MRAP2: variants seen among roughly 807,000 people sequenced by gnomAD.
The protein encoded by MRAP2 is melanocortin 2 receptor accessory protein 2.
MRAP2 carries 20 observed loss-of-function variants against 17.4 expected under a neutral mutation model. The ratio of observed to expected loss-of-function variants is 1.15; its 90% CI spans 0.81 to 1.67. MRAP2 has a LOEUF of 1.67. MRAP2 is among the 40% of genes most tolerant of loss of function. The pLI, the probability that MRAP2 is intolerant of heterozygous loss-of-function variation, is 0.00. For synonymous variants in MRAP2, 96 were observed against 88.4 expected (o/e 1.09, Z -0.48); for missense variants, 238 against 240.0 (o/e 0.99, Z 0.05).
At chr6:84,134,630 G>A in the MRAP2 span, among the ~76,000 whole-genome samples, 1 of 152,148 alleles carries the variant, frequency 6.6e-6, no homozygotes, top group South Asian at 2.1e-4. Context: ...CTTCCCGGAT[G>A]AGGCAAGGCC....
intron 3 of MRAP2, among the ~76,000 whole-genome samples, chr6:84,064,040 G>A (rs974559199): frequency 3.3e-5 from 5 of 149,878 alleles, no homozygotes; most frequent in African/African-American, 1.3e-4. Context: ...GCCAGACTCT[G>A]TCTAAAAAAA....
At chr6:84,061,890 T>A in intron 2 of MRAP2, 1 of 985,398 alleles carries the variant, frequency 1.0e-6, no homozygotes, top group Non-Finnish European at 1.2e-6. Context: ...AGTGGGTCAG[T>A]TCTGTTTTTG....
At chr6:84,091,537 T>C (rs903943202), downstream of MRAP2, among the ~76,000 whole-genome samples, 1 of 152,158 alleles carries the variant, frequency 6.6e-6, no homozygotes, top group African/African-American at 2.4e-5. Context: ...TGGCCAGAGT[T>C]TAACTTCTAA....
At chr6:84,081,795 G>A (rs1390486585) in intron 3 of MRAP2, among the ~76,000 whole-genome samples, 1 of 152,130 alleles carries the variant, frequency 6.6e-6, no homozygotes, top group Non-Finnish European at 1.5e-5. Context: ...TCCAGCTTGG[G>A]TGACATAACA....
chr6:84,048,123 G>A (rs1051420008), intron 1 of MRAP2, among the ~76,000 whole-genome samples: 1 of 152,042 alleles, frequency 6.6e-6, no homozygotes, highest in East Asian at 1.9e-4. Flanking sequence ...TGGTTCTTTT[G>A]TATATATATC....
At chr6:84,073,118 A>T (rs142450574) in intron 3 of MRAP2, among the ~76,000 whole-genome samples, 32 of 152,212 alleles carry the variant, frequency 2.1e-4, no homozygotes, top group African/African-American at 7.5e-4. Context: ...AAATTGTTAC[A>T]AAGTTCAGCT....
chr6:84,085,115 C>T (rs556188570), intron 3 of MRAP2, among the ~76,000 whole-genome samples: 4 of 151,456 alleles, frequency 2.6e-5, no homozygotes, highest in East Asian at 2.0e-4. Flanking sequence ...AGTGCAGTGG[C>T]GCGATCTCGG....
At chr6:84,036,347 A>G (rs1424945187) in intron 1 of MRAP2, among the ~76,000 whole-genome samples, 1 of 152,194 alleles carries the variant, frequency 6.6e-6, no homozygotes, top group East Asian at 1.9e-4. Context: ...TACTTCCTTC[A>G]TCCCAAAGCT....
chr6:84,043,451 T>C (rs1004088101), intron 1 of MRAP2, among the ~76,000 whole-genome samples: 2 of 152,080 alleles, frequency 1.3e-5, no homozygotes, highest in Non-Finnish European at 2.9e-5. Flanking sequence ...CCCTCAAGGG[T>C]AGACAGGAAT....
the MRAP2 span, among the ~76,000 whole-genome samples, chr6:84,115,947 C>T: frequency 6.6e-6 from 1 of 152,134 alleles, no homozygotes; most frequent in African/African-American, 2.4e-5. Flanking sequence ...AACCAAGTAC[C>T]TCAGTTGGAA....
chr6:84,077,504 A>G (rs1283159908), intron 3 of MRAP2, among the ~76,000 whole-genome samples: 2 of 152,054 alleles, frequency 1.3e-5, no homozygotes, highest in African/African-American at 4.8e-5. Context: ...TGGTTATATG[A>G]TTTTCTACCT....
chr6:84,139,741 A>C, the MRAP2 span, among the ~76,000 whole-genome samples: 1 of 152,168 alleles, frequency 6.6e-6, no homozygotes, highest in Non-Finnish European at 1.5e-5. Context: ...AGGAGAAAAA[A>C]ATTTGTAAAA....
chr6:84,133,271 A>G, the MRAP2 span, among the ~76,000 whole-genome samples: 1 of 152,234 alleles, frequency 6.6e-6, no homozygotes, highest in East Asian at 1.9e-4. Context: ...GTTGGCCCCT[A>G]TTGGGAGGTG....
chr6:84,033,788 G>A lies in MRAP2; in HGVS notation c.-103G>A. 1 of 987,068 alleles carries A rather than the reference G, an allele frequency of 1.0e-6. No individual in the cohort carries two copies. The allele number at this position is 987,068 out of a possible 1,614,324, so 61.1% of individuals were successfully genotyped here. On this transcript the variant is annotated 5_prime_UTR_variant, in exon 1 of 4. Transcript: ENST00000257776. Reference sequence around the variant, plus strand: ...CTAGGAGCTACTCGCCCGGCCCTGGGCGGTGGGAGGCGGCGGCGGCGGCGG... The same window carrying A: ...CTAGGAGCTACTCGCCCGGCCCTGGACGGTGGGAGGCGGCGGCGGCGGCGG...
At chr6:84,121,783 C>G in the MRAP2 span, among the ~76,000 whole-genome samples, 1 of 152,018 alleles carries the variant, frequency 6.6e-6, no homozygotes, top group Non-Finnish European at 1.5e-5. Context: ...ATACCAAAAC[C>G]TTTGGGATAC....
At chr6:84,137,135 C>A in the MRAP2 span, among the ~76,000 whole-genome samples, 2 of 152,170 alleles carry the variant, frequency 1.3e-5, no homozygotes, top group Non-Finnish European at 2.9e-5. Context: ...TTCCTTGCAC[C>A]TTTGTTGTCA....
At chr6:84,130,089 G>C in the MRAP2 span, among the ~76,000 whole-genome samples, 1 of 152,056 alleles carries the variant, frequency 6.6e-6, no homozygotes, top group African/African-American at 2.4e-5. Context: ...GAATTTTGTC[G>C]AAGGCCTCTT....
At chr6:84,117,504 T>G in the MRAP2 span, among the ~76,000 whole-genome samples, 312 of 152,176 alleles carry the variant, frequency 2.1e-3, no homozygotes, top group African/African-American at 7.3e-3. Context: ...GCTTTTTTTT[T>G]TGGTTGGTAA....
chr6:84,134,474 C>T, the MRAP2 span, among the ~76,000 whole-genome samples: 7 of 152,162 alleles, frequency 4.6e-5, no homozygotes, highest in African/African-American at 1.2e-4. Flanking sequence ...GCCCTGGTGG[C>T]GTAGGCACCC....
Sources: allele counts gnomAD v4.1 joint callset (sites outside exome capture counted in the v4.1 genomes callset), GRCh38; gene constraint gnomAD v4.1.1; transcripts MANE v1.5; gene names NCBI Gene and HGNC (gene_info 2026-07-23, HGNC 2026-07-21).